The following KLKB1 variants were observed in gnomAD, a reference collection of about 807,000 sequenced individuals.
The protein encoded by KLKB1 is plasma kallikrein.
A neutral mutation model predicts 73.6 loss-of-function variants in KLKB1; 58 were observed. The observed-to-expected ratio is 0.79, with a 90% CI of 0.64 to 0.98. The LOEUF is 0.98. Ranked by LOEUF, KLKB1 falls within the 50% of genes least tolerant of loss-of-function variation. The pLI is 0.00. For missense variants in KLKB1, 737 were observed against 763.8 expected (o/e 0.96, Z 0.41); for synonymous variants, 280 against 258.1 (o/e 1.08, Z -0.81).
At chr4:186,234,911 A>T (rs534179503) in intron 4 of KLKB1, among the ~76,000 whole-genome samples, 2 of 152,384 alleles carry the variant, frequency 1.3e-5, no homozygotes, top group East Asian at 3.9e-4. Context: ...CTGTTATTCT[A>T]TGTATGACTA....
chr4:186,227,909 C>CT (rs1205411277), intron 1 of KLKB1, among the ~76,000 whole-genome samples: 1 of 152,118 alleles, frequency 6.6e-6, no homozygotes, highest in Non-Finnish European at 1.5e-5. Context: ...TGTTTACTCT[C>CT]TCTCTACCAA....
At chr4:186,257,504 T>C (rs556708952) in intron 14 of KLKB1, 139 bp downstream of exon 14, 3 of 549,372 alleles carry the variant, frequency 5.5e-6, no homozygotes, top group East Asian at 7.9e-5. Context: ...TAAGCAACTT[T>C]TAACAAATTG....
intron 13 of KLKB1, among the ~76,000 whole-genome samples, chr4:186,256,776 A>T (rs888645508): frequency 1.3e-5 from 2 of 152,328 alleles, no homozygotes; most frequent in African/African-American, 4.8e-5. Context: ...TATAAAGCAA[A>T]AAAATGAAAA....
rs28497189 is a variant in KLKB1, at chr4:186,218,651, T to C, written c.201+9379T>C. On this transcript the variant is annotated intron_variant, in intron 2 of 14. Coordinates refer to the KLKB1 transcript ENST00000511608. ...CATAGTGTGTGTGTGTGTGTGTGTG[T>C]GCGCATGTGTGTGTGCTGAGAACCC... is the stretch of plus-strand genomic sequence containing the variant. Among the ~76,000 whole-genome samples the C allele has an allele frequency of 6.0e-3, 904 of 150,848 alleles. 7 individuals carry two copies. Among genetic ancestry groups the C allele is most frequent in the African/African-American group, 0.018 (759 of 41,096 alleles).
chr4:186,213,843 C>T (rs1736810187), intron 2 of KLKB1, among the ~76,000 whole-genome samples: 1 of 152,206 alleles, frequency 6.6e-6, no homozygotes, highest in South Asian at 2.1e-4. Context: ...CATCTAATGC[C>T]TGAGTGATAC....
At chr4:186,246,166 G>A (rs930330304) in intron 6 of KLKB1, among the ~76,000 whole-genome samples, 31 of 151,950 alleles carry the variant, frequency 2.0e-4, no homozygotes, top group African/African-American at 7.5e-4. Context: ...AAGGATTATA[G>A]GGTGGAGGAG....
intron 6 of KLKB1, among the ~76,000 whole-genome samples, chr4:186,248,835 CTTGTTATTGTCT>C (rs1580023547): frequency 6.6e-6 from 1 of 152,130 alleles, no homozygotes; most frequent in Non-Finnish European, 1.5e-5. Context: ...CTTAACAACA[CTTGTTATTGTCT>C]TTGTAATTAT....
At chr4:186,217,142 T>C (rs1375272383) in intron 2 of KLKB1, among the ~76,000 whole-genome samples, 1 of 152,220 alleles carries the variant, frequency 6.6e-6, no homozygotes, top group Non-Finnish European at 1.5e-5. Flanking sequence ...GCTACTAGAA[T>C]GTAACATGTT....
At chr4:186,227,704 TATAG>T (rs1336602866) in intron 1 of KLKB1, 117 bp downstream of exon 1, 4 of 156,992 alleles carry the variant, frequency 2.5e-5, no homozygotes, top group East Asian at 3.7e-4. Context: ...ATGTAGAGAG[TATAG>T]ATAATGTTCC....
In KLKB1 at chr4:186,251,216, T is replaced by A; in HGVS notation, c.759-3T>A. 6.3e-7 allele frequency: 1 copy of A among 1,578,210 alleles called. No homozygotes were observed. The highest frequency in any genetic ancestry group is 1.1e-5 in the South Asian group (1 of 89,562). On this transcript the variant is annotated splice_polypyrimidine_tract_variant and splice_region_variant and intron_variant, in intron 7 of 14. Transcript: ENST00000264690. Reference sequence around the variant, plus strand: ...CTCTCTTGCTTTTTTTTAAAAAAAATAGAAATGTTTGTCTTCTTAAAACAT... The same window carrying A: ...CTCTCTTGCTTTTTTTTAAAAAAAAAAGAAATGTTTGTCTTCTTAAAACAT...
chr4:186,244,937 G>C (rs747990938), intron 6 of KLKB1, among the ~76,000 whole-genome samples: 2 of 152,102 alleles, frequency 1.3e-5, no homozygotes, highest in Non-Finnish European at 2.9e-5. Context: ...GGAGGGAGCA[G>C]AGGTGTCCTA....
upstream of KLKB1, among the ~76,000 whole-genome samples, chr4:186,223,639 T>C (rs576120094): frequency 2.6e-5 from 4 of 152,312 alleles, no homozygotes; most frequent in African/African-American, 9.6e-5. Context: ...ATAACCTGGC[T>C]TTTTCTGAAA....
At chr4:186,248,546 CAT>C (rs1371229237) in intron 6 of KLKB1, among the ~76,000 whole-genome samples, 2 of 140,956 alleles carry the variant, frequency 1.4e-5, no homozygotes, top group South Asian at 2.3e-4. Context: ...ATGAATAAAA[CAT>C]ATTTTGTTTA....
chr4:186,236,656 A>AAT (rs1217194992), intron 4 of KLKB1, 125 bp from the exon 5 acceptor site: 11 of 800,682 alleles, frequency 1.4e-5, no homozygotes, highest in Non-Finnish European at 2.3e-5. Flanking sequence ...TCCCTTAGTT[A>AAT]ATATAGCAGT....
At chr4:186,234,098 G>A (rs1016413647) in intron 4 of KLKB1, 40 bp downstream of exon 4, 9 of 1,448,986 alleles carry the variant, frequency 6.2e-6, no homozygotes, top group African/African-American at 5.6e-5. Flanking sequence ...AGTTAATATT[G>A]GATCTCGCTT....
chr4:186,226,074 C>A (rs1488353348), upstream of KLKB1, among the ~76,000 whole-genome samples: 1 of 151,724 alleles, frequency 6.6e-6, no homozygotes, highest in Non-Finnish European at 1.5e-5. Context: ...TCAATTCAGT[C>A]ATTTTGTTCT....
intron 4 of KLKB1, among the ~76,000 whole-genome samples, chr4:186,235,937 A>G (rs1737645425): frequency 6.6e-6 from 1 of 151,852 alleles, no homozygotes; most frequent in African/African-American, 2.4e-5. Context: ...GACACGGTGA[A>G]ACCCCGTCTC....
At chr4:186,255,496 G>A (rs1220344222) in intron 12 of KLKB1, among the ~76,000 whole-genome samples, 1 of 152,200 alleles carries the variant, frequency 6.6e-6, no homozygotes, top group Non-Finnish European at 1.5e-5. Context: ...GAGCCCAGGA[G>A]CTCAAGGCTG....
intron 11 of KLKB1, among the ~76,000 whole-genome samples, chr4:186,253,978 G>T (rs4253384): frequency 0.011 from 1,708 of 152,162 alleles, 29 homozygotes; most frequent in African/African-American, 0.039. Context: ...TGGGATTACA[G>T]GCGCGCGCCA....
Sources: gnomAD v4.1 joint callset for allele counts (sites outside exome capture counted in the v4.1 genomes callset) on GRCh38, gnomAD v4.1.1 for gene constraint, MANE v1.5 for transcripts, NCBI Gene and HGNC (gene_info 2026-07-23, HGNC 2026-07-21) for gene names.